GALR1: variants seen among roughly 807,000 people sequenced by gnomAD.
The protein encoded by GALR1 is galanin receptor type 1.
In GALR1, 11 loss-of-function variants were observed where a neutral mutation model predicts 17.9. That is an observed-to-expected ratio of 0.62 (90% CI 0.39 to 1.02). The LOEUF (loss-of-function observed/expected upper bound fraction) is 1.02. GALR1 is among the 50% of genes least tolerant of loss of function. GALR1 has a pLI of 0.01. For missense variants in GALR1, 441 were observed against 456.9 expected (o/e 0.97, Z 0.32); for synonymous variants, 206 against 205.7 (o/e 1.00, Z -0.01).
rs889344300 is a variant in GALR1, at chr18:77,272,729, G to A, written c.*3827G>A. 10 of 152,180 alleles carry A rather than the reference G, an allele frequency of 6.6e-5. No homozygotes were observed. Among genetic ancestry groups the A allele is most frequent in the African/African-American group, 2.4e-4 (10 of 41,454 alleles). 9.4% of individuals were successfully genotyped at this position (152,180 alleles called of 1,614,324 possible). A position where few individuals can be genotyped will look rare whatever the true frequency, so the allele number is the denominator to read the frequency against. ...TTTCTCAAGTAGATGTTAATGACTTGTTTAATTATTGACTTACTTATTTTA... is the reference window on the plus strand; with the variant it reads ...TTTCTCAAGTAGATGTTAATGACTTATTTAATTATTGACTTACTTATTTTA... On this transcript the variant is annotated 3_prime_UTR_variant, in exon 3 of 3. Coordinates refer to ENST00000299727, the MANE Select transcript of GALR1 (RefSeq NM_001480.4).
At chr18:77,264,257 G>A (rs1356590519) in intron 2 of GALR1, among the ~76,000 whole-genome samples, 1 of 151,722 alleles carries the variant, frequency 6.6e-6, no homozygotes, top group Admixed American at 6.6e-5. Flanking sequence ...TGAGGTCCAT[G>A]CAGGATCACT....
chr18:77,265,536 A>G (rs1049207488), intron 2 of GALR1, among the ~76,000 whole-genome samples: 4 of 152,132 alleles, frequency 2.6e-5, no homozygotes, highest in African/African-American at 9.7e-5. Context: ...CCACTAGGTA[A>G]TGCCCCAGTG....
chr18:77,273,155 C>T lies in GALR1; in HGVS notation c.*4253C>T, dbSNP rs1913093105. On this transcript the variant is annotated 3_prime_UTR_variant, in exon 3 of 3. Transcript: ENST00000299727. ...AGGGTAGCATGTCTGTTTGACTGGG[C>T]AAGACCCTCACATACCTTGGCAGGC... The T allele has an allele frequency of 1.3e-5, 2 of 151,952 alleles. No homozygotes were observed. Among genetic ancestry groups the T allele is most frequent in the Non-Finnish European group, 2.9e-5 (2 of 68,024 alleles). 9.4% of individuals were successfully genotyped at this position (151,952 alleles called of 1,614,324 possible).
rs960621512 is a variant in GALR1 at position 77,276,560 on chromosome 18, T to C, written c.*7658T>C. The C allele has an allele frequency of 5.3e-5, 8 of 152,344 alleles. No individual in the cohort carries two copies. The East Asian group carries it at 1.5e-3, about 29-fold the overall frequency. The allele number at this position is 152,344 out of a possible 1,614,324, so 9.4% of individuals were successfully genotyped here. A position where few individuals can be genotyped will look rare whatever the true frequency, so the allele number is the denominator to read the frequency against. On this transcript the variant is annotated 3_prime_UTR_variant, in exon 3 of 3. Coordinates refer to ENST00000299727, the MANE Select transcript of GALR1 (RefSeq NM_001480.4). ...AATTTCTCATTCAGTAGATTTGGGA[T>C]GGAGCCCAACGATTTGCAGCTGGTC...
chr18:77,276,656 T>G lies in GALR1; in HGVS notation c.*7754T>G, dbSNP rs538598269. 3 of 152,352 alleles carry G rather than the reference T, an allele frequency of 2.0e-5. No individual in the cohort carries two copies. The highest frequency in any genetic ancestry group is 7.2e-5 in the African/African-American group (3 of 41,588). 9.4% of individuals were successfully genotyped at this position (152,352 alleles called of 1,614,324 possible). ...AGGTGAAGGTGGAGTCCAGGCTTTTTAAAACAGTGTCTGTATTTTCAGAGC... is the reference window on the plus strand; with the variant it reads ...AGGTGAAGGTGGAGTCCAGGCTTTTGAAAACAGTGTCTGTATTTTCAGAGC... On this transcript the variant is annotated 3_prime_UTR_variant, in exon 3 of 3. Coordinates refer to ENST00000299727, the MANE Select transcript of GALR1 (RefSeq NM_001480.4).
At chr18:77,256,351 T>G in intron 2 of GALR1, 128 bp downstream of exon 2, 1 of 578,300 alleles carries the variant, frequency 1.7e-6, no homozygotes, top group Non-Finnish European at 3.0e-6. Flanking sequence ...TAAGGAGGTT[T>G]GAGATGAGCC....
rs1913166090 is a variant in GALR1 at position 77,276,757 on chromosome 18, T to C, written c.*7855T>C. The C allele has an allele frequency of 6.6e-6, 1 of 152,248 alleles. No homozygotes were observed. The highest frequency in any genetic ancestry group is 1.5e-5 in the Non-Finnish European group (1 of 68,036). The allele number at this position is 152,248 out of a possible 1,614,324, so 9.4% of individuals were successfully genotyped here. A position where few individuals can be genotyped will look rare whatever the true frequency, so the allele number is the denominator to read the frequency against. On this transcript the variant is annotated 3_prime_UTR_variant, in exon 3 of 3. Coordinates refer to ENST00000299727, the MANE Select transcript of GALR1 (RefSeq NM_001480.4). ...GGTTCTGTGAAAAAAATTGTTTACA[T>C]GGAATTTAAATCATTCAGAATTTTT...
chr18:77,267,775 C>T (rs543576001), intron 2 of GALR1, among the ~76,000 whole-genome samples: 3 of 152,162 alleles, frequency 2.0e-5, no homozygotes, highest in East Asian at 1.9e-4. Context: ...GTGGAACAGA[C>T]GAGGTTGCCC....
At position 77,276,613 on chromosome 18, in the gene GALR1, C is replaced by G. The variant is rs1313569839; in HGVS notation, c.*7711C>G. 2 of 152,178 alleles carry G rather than the reference C, an allele frequency of 1.3e-5. No homozygotes were observed. The highest frequency in any genetic ancestry group is 4.8e-5 in the African/African-American group (2 of 41,432). 9.4% of individuals were successfully genotyped at this position (152,178 alleles called of 1,614,324 possible). ...GAGACCACCTTGTGAGATCTACTAC[C>G]TGATTTAATTGGTTTGAAGGTGAAG... On this transcript the variant is annotated 3_prime_UTR_variant, in exon 3 of 3. Transcript: ENST00000299727.
At chr18:77,256,375 A>G in intron 2 of GALR1, 152 bp downstream of exon 2, 1 of 557,894 alleles carries the variant, frequency 1.8e-6, no homozygotes, top group Non-Finnish European at 3.1e-6. Flanking sequence ...CACCGTTAGG[A>G]TGGGAATGGA....
chr18:77,276,295 T>C lies in GALR1; in HGVS notation c.*7393T>C, dbSNP rs575257875. 13 of 152,302 alleles carry C rather than the reference T, an allele frequency of 8.5e-5. No individual in the cohort carries two copies. In the South Asian group the frequency reaches 2.7e-3, roughly 32 times the overall value. 9.4% of individuals were successfully genotyped at this position (152,302 alleles called of 1,614,324 possible). ...AATGAACATTAGGATACTGAGGGTT[T>C]GGTCTGAATTCTGTTTTTTCATTGC... On this transcript the variant is annotated 3_prime_UTR_variant, in exon 3 of 3. Transcript: ENST00000299727.
Position 77,250,931 on chromosome 18 carries a change from C to T in GALR1, c.383C>T (p.Ala128Val). 6.2e-7 allele frequency: 1 copy of T among 1,604,772 alleles called. No individual in the cohort carries two copies. Among genetic ancestry groups the T allele is most frequent in the Non-Finnish European group, 8.5e-7 (1 of 1,179,978 alleles). ...SMLVSIFTLAAMSVDRYVAIV... is the reference protein window; with the variant it reads ...SMLVSIFTLAVMSVDRYVAIV... ...CTGGTGAGCATCTTCACCCTGGCCG[C>T]GATGTCCGTGGACCGCTACGTGGCC... is the stretch of plus-strand genomic sequence containing the variant. Residue 128 changes from alanine to valine, a missense_variant, in exon 1 of 3, where the codon GCG (alanine) becomes GTG (valine). By Grantham distance (64) the Ala-to-Val change is moderately conservative. Transcript: ENST00000299727.
chr18:77,250,590 C>T lies in GALR1; in HGVS notation c.42C>T (p.Ser14=), dbSNP rs761678726. 2.1e-5 allele frequency: 33 copies of T among 1,547,890 alleles called. No homozygotes were observed. The highest frequency in any genetic ancestry group is 1.8e-4 in the Middle Eastern group (1 of 5,702). Residue 14 remains serine, a synonymous_variant, in exon 1 of 3, where the codon AGC becomes AGT. Transcript: ENST00000299727. ...AVGNLSEGNA[S]WPEPPAPEPG... is the part of the protein sequence containing the mutation. Reference sequence around the variant, plus strand: ...GGAACCTCAGCGAGGGCAACGCGAGCTGGCCGGAGCCCCCCGCCCCGGAGC... The same window carrying T: ...GGAACCTCAGCGAGGGCAACGCGAGTTGGCCGGAGCCCCCCGCCCCGGAGC...
rs1281353413 is a variant in GALR1, at chr18:77,270,526, A to ATGTGTGTGTG, written c.*1625_*1626insGTGTGTGTGT. On this transcript the variant is annotated 3_prime_UTR_variant, in exon 3 of 3. Transcript: ENST00000299727. ...AAGACTCTGTCTAAAATATATATAT[A>ATGTGTGTGTG]TATGTGTGTGTGTGTGTGTGTGTGT... The ATGTGTGTGTG allele has an allele frequency of 5.2e-5, 6 of 115,574 alleles. No homozygotes were observed. Among genetic ancestry groups the ATGTGTGTGTG allele is most frequent in the African/African-American group, 1.9e-4 (6 of 32,426 alleles). 7.2% of individuals were successfully genotyped at this position (115,574 alleles called of 1,614,324 possible).
chr18:77,261,314 A>T (rs1912826376), intron 2 of GALR1, among the ~76,000 whole-genome samples: 1 of 152,244 alleles, frequency 6.6e-6, no homozygotes, highest in South Asian at 2.1e-4. Flanking sequence ...TACGCTAAAT[A>T]GACAAAGGAG....
Position 77,273,059 on chromosome 18 carries a change from G to A in GALR1, c.*4157G>A, listed in dbSNP as rs1258215845. Reference sequence around the variant, plus strand: ...AAAGTGCTGTGGATAATAGATGGTGGTTTCTTTTCTTAGTGTGGCAGGTTC... The same window carrying A: ...AAAGTGCTGTGGATAATAGATGGTGATTTCTTTTCTTAGTGTGGCAGGTTC... On this transcript the variant is annotated 3_prime_UTR_variant, in exon 3 of 3. Coordinates refer to ENST00000299727, the MANE Select transcript of GALR1 (RefSeq NM_001480.4). 1.3e-5 allele frequency: 2 copies of A among 152,198 alleles called. No homozygotes were observed. The highest frequency in any genetic ancestry group is 2.9e-5 in the Non-Finnish European group (2 of 68,048). 9.4% of individuals were successfully genotyped at this position (152,198 alleles called of 1,614,324 possible).
intron 2 of GALR1, among the ~76,000 whole-genome samples, chr18:77,261,428 C>T (rs1269607866): frequency 2.0e-5 from 3 of 152,166 alleles, no homozygotes; most frequent in Non-Finnish European, 4.4e-5. Flanking sequence ...AAATCAGCCT[C>T]GTCCTCCACA....
chr18:77,268,522 C>CCTT, intron 2 of GALR1, 63 bp from the exon 3 acceptor site: 1 of 1,084,094 alleles, frequency 9.2e-7, no homozygotes, highest in South Asian at 1.5e-5. Context: ...GAATTTCCTT[C>CCTT]CTTCTTCTTC....
rs1913105073 is a variant in GALR1 at position 77,273,742 on chromosome 18, G to A, written c.*4840G>A. 1 of 152,078 alleles carries A rather than the reference G, an allele frequency of 6.6e-6. No individual in the cohort carries two copies. The highest frequency in any genetic ancestry group is 2.1e-4 in the South Asian group (1 of 4,828). The allele number at this position is 152,078 out of a possible 1,614,324, so 9.4% of individuals were successfully genotyped here. A position where few individuals can be genotyped will look rare whatever the true frequency, so the allele number is the denominator to read the frequency against. ...AATTTTCTCTCTGAATCTTTTCAAT[G>A]TTGGCTCCATTTGCCATACTCAGAC... On this transcript the variant is annotated 3_prime_UTR_variant, in exon 3 of 3. Transcript: ENST00000299727.
Sources: gnomAD v4.1 joint callset for allele counts (sites outside exome capture counted in the v4.1 genomes callset) on GRCh38, gnomAD v4.1.1 for gene constraint, MANE v1.5 for transcripts, NCBI Gene and HGNC (gene_info 2026-07-23, HGNC 2026-07-21) for gene names.